The following DIP2C variants were observed in gnomAD, a reference collection of about 807,000 sequenced individuals.
DIP2C encodes the protein DIP2 acetate--CoA ligase C (putative), also known as disco-interacting protein 2 homolog C.
A neutral mutation model predicts 192.4 loss-of-function variants in DIP2C; 33 were observed. That is an observed-to-expected ratio of 0.17 (90% CI 0.13 to 0.23). The LOEUF (loss-of-function observed/expected upper bound fraction) is 0.23, where lower values mean the gene tolerates loss of function less well. DIP2C is among the 10% of genes least tolerant of loss of function. The probability of loss-of-function intolerance (pLI) is 1.00; values close to 1 mark genes in which losing one functional copy is unlikely to be tolerated. For synonymous variants in DIP2C, 979 were observed against 864.1 expected (o/e 1.13, Z -2.33); for missense variants, 1,537 against 2,110.1 (o/e 0.73, Z 5.32).
intron 24 of DIP2C, among the ~76,000 whole-genome samples, chr10:352,065 G>A (rs898098399): frequency 3.3e-5 from 5 of 152,216 alleles, no homozygotes; most frequent in Non-Finnish European, 7.3e-5. Context: ...CCATTCTCAT[G>A]CCAGGCCTGC....
At chr10:505,417 C>T (rs923387819) in intron 1 of DIP2C, among the ~76,000 whole-genome samples, 4 of 152,206 alleles carry the variant, frequency 2.6e-5, no homozygotes, top group Non-Finnish European at 5.9e-5. Context: ...GTGATCAAGC[C>T]AAGGTTCTCA....
intron 1 of DIP2C, among the ~76,000 whole-genome samples, chr10:669,801 G>C (rs547573705): frequency 3.9e-5 from 6 of 152,196 alleles, no homozygotes; most frequent in African/African-American, 1.4e-4. Flanking sequence ...CCACGTTTCA[G>C]CTTAAACTAG....
At chr10:537,535 G>A (rs1847756423) in intron 1 of DIP2C, among the ~76,000 whole-genome samples, 1 of 150,714 alleles carries the variant, frequency 6.6e-6, no homozygotes, top group South Asian at 2.1e-4. Context: ...CCACACATTT[G>A]TCCCCAGGGC....
intron 1 of DIP2C, among the ~76,000 whole-genome samples, chr10:555,190 AT>A (rs34311943): frequency 1.7e-3 from 214 of 125,032 alleles, no homozygotes; most frequent in Middle Eastern, 7.5e-3. Flanking sequence ...CTTCAGTATT[AT>A]TTTTTTTTTT....
At chr10:410,683 C>CA in intron 8 of DIP2C, among the ~76,000 whole-genome samples, 1 of 152,198 alleles carries the variant, frequency 6.6e-6, no homozygotes, top group Admixed American at 6.5e-5. Context: ...CAATTACACT[C>CA]AATTAGCACC....
intron 3 of DIP2C, among the ~76,000 whole-genome samples, chr10:463,298 A>AGG (rs1969941043): frequency 6.6e-6 from 1 of 152,218 alleles, no homozygotes; most frequent in Non-Finnish European, 1.5e-5. Flanking sequence ...AACTTCAGCA[A>AGG]AGTCTCAGGA....
Position 277,321 on chromosome 10 carries a change from G to A in DIP2C, c.*4C>T, listed in dbSNP as rs200549465. ...GAAAAGTCCATGGAAGCCAAGAGAC[G>A]AGACTACATGTTGTAGGCCACATAG... On this transcript the variant is annotated 3_prime_UTR_variant, in exon 37 of 37. Coordinates refer to ENST00000280886, the MANE Select transcript of DIP2C (RefSeq NM_014974.3). The A allele has an allele frequency of 7.4e-6, 12 of 1,613,390 alleles. No individual in the cohort carries two copies. In the African/African-American group the frequency reaches 9.3e-5, roughly 13 times the overall value.
intron 3 of DIP2C, among the ~76,000 whole-genome samples, chr10:460,007 A>G (rs1969639167): frequency 6.6e-6 from 1 of 150,682 alleles, no homozygotes; most frequent in Non-Finnish European, 1.5e-5. Context: ...GAGCTCTAGT[A>G]TCTTCCCACA....
At chr10:358,432 G>A (rs1271625253) in intron 22 of DIP2C, among the ~76,000 whole-genome samples, 4 of 148,880 alleles carry the variant, frequency 2.7e-5, no homozygotes, top group Admixed American at 6.7e-5. Flanking sequence ...TACTGTGGAC[G>A]GGACAGGATA....
intron 1 of DIP2C, among the ~76,000 whole-genome samples, chr10:530,651 C>CA (rs1847310204): frequency 3.3e-5 from 2 of 60,176 alleles, no homozygotes; most frequent in South Asian, 9.6e-4. Flanking sequence ...GACCCTATCT[C>CA]TTAAAAAAAA....
intron 1 of DIP2C, among the ~76,000 whole-genome samples, chr10:656,389 A>G (rs918802780): frequency 6.6e-6 from 1 of 152,130 alleles, no homozygotes; most frequent in Non-Finnish European, 1.5e-5. Context: ...TGTTTGTTCC[A>G]TTCTATACAG....
At chr10:539,017 T>C (rs1425075428) in intron 1 of DIP2C, among the ~76,000 whole-genome samples, 52 of 152,154 alleles carry the variant, frequency 3.4e-4, no homozygotes, top group Admixed American at 3.4e-3. Flanking sequence ...GTTCACGTCA[T>C]TCCATGAGTT....
rs765500797 is a variant in DIP2C, at chr10:689,301, G to A, written c.85+193C>T. 9.6e-4 allele frequency among the ~76,000 whole-genome samples: 145 copies of A among 151,680 alleles called. No homozygotes were observed. The highest frequency in any genetic ancestry group is 1.7e-3 in the Non-Finnish European group (114 of 67,874). On this transcript the variant is annotated intron_variant, in intron 1 of 36. Transcript: ENST00000280886. The surrounding 1 kb of genome is among the most constrained non-coding windows in gnomAD (Gnocchi z 6.1). ...CCCCACAAACGTCCCCAGAGCGCGG[G>A]GGATCGCGGCCTCACAAACGTCCCT...
At chr10:487,721 G>A (rs1445185927) in intron 1 of DIP2C, among the ~76,000 whole-genome samples, 2 of 151,870 alleles carry the variant, frequency 1.3e-5, no homozygotes, top group Non-Finnish European at 2.9e-5. Context: ...GAGACTACAG[G>A]CGCTGGCCAC....
At chr10:502,065 G>A (rs1227985102) in intron 1 of DIP2C, among the ~76,000 whole-genome samples, 1 of 152,188 alleles carries the variant, frequency 6.6e-6, no homozygotes, top group Non-Finnish European at 1.5e-5. Context: ...AGGATTGCTC[G>A]AGCCTGGGAG....
intron 1 of DIP2C, among the ~76,000 whole-genome samples, chr10:635,295 C>A (rs1854765449): frequency 6.6e-6 from 1 of 152,252 alleles, no homozygotes; most frequent in Admixed American, 6.5e-5. Context: ...TTCCTGCACA[C>A]TGAAGTCCAT....
intron 1 of DIP2C, among the ~76,000 whole-genome samples, chr10:574,598 G>A (rs1331186290): frequency 6.6e-6 from 1 of 152,128 alleles, no homozygotes; most frequent in African/African-American, 2.4e-5. Flanking sequence ...CTTCTTCATG[G>A]GAAAACCGAA....
At chr10:337,011 C>G (rs1459470887) in intron 29 of DIP2C, among the ~76,000 whole-genome samples, 5 of 38,612 alleles carry the variant, frequency 1.3e-4, no homozygotes, top group African/African-American at 2.0e-4. Flanking sequence ...GCCTAGGCAG[C>G]TGTGTGTGTG....
intron 13 of DIP2C, among the ~76,000 whole-genome samples, chr10:389,386 A>G (rs557203083): frequency 6.7e-6 from 1 of 148,596 alleles, no homozygotes; most frequent in East Asian, 1.9e-4. Context: ...CCCTCCACTC[A>G]AGTTCCCTCC....
Sources: gnomAD v4.1 joint callset for allele counts (sites outside exome capture counted in the v4.1 genomes callset) on GRCh38, gnomAD v4.1.1 for gene constraint, Gnocchi (gnomAD v3.1) non-coding constraint, MANE v1.5 for transcripts, NCBI Gene and HGNC (gene_info 2026-07-23, HGNC 2026-07-21) for gene names.